The following ADAMTS6 variants were observed in gnomAD, a reference collection of about 807,000 sequenced individuals.
The protein encoded by ADAMTS6 is A disintegrin and metalloproteinase with thrombospondin motifs 6.
ADAMTS6 carries 23 observed loss-of-function variants against 144.3 expected under a neutral mutation model. That is an observed-to-expected ratio of 0.16 (90% confidence interval 0.11 to 0.23). The LOEUF (loss-of-function observed/expected upper bound fraction) is 0.23. ADAMTS6 is among the 10% of genes least tolerant of loss of function. The probability of loss-of-function intolerance (pLI) is 1.00; values close to 1 mark genes in which losing one functional copy is unlikely to be tolerated. For synonymous variants in ADAMTS6, 444 were observed against 457.5 expected (o/e 0.97, Z 0.38); for missense variants, 999 against 1,379.6 (o/e 0.72, Z 4.37).
rs560049318 is a variant in ADAMTS6 at position 65,443,921 on chromosome 5, A to G, written c.1073+7554T>C. ...TCCTTGCTGAGGTCAGGAACAAAACAAGGATCTCTGCTCTCACCACCTTTA... is the reference window on the plus strand; with the variant it reads ...TCCTTGCTGAGGTCAGGAACAAAACGAGGATCTCTGCTCTCACCACCTTTA... On this transcript the variant is annotated intron_variant, in intron 7 of 24. Transcript: ENST00000381055. Among the ~76,000 whole-genome samples the G allele has an allele frequency of 3.9e-5, 6 of 152,294 alleles. No homozygotes were observed. In the South Asian group the frequency reaches 1.0e-3, roughly 26 times the overall value.
In ADAMTS6 at chr5:65,452,118, C is replaced by G; in HGVS notation, c.927+15G>C. The G allele has an allele frequency of 6.3e-7, 1 of 1,593,696 alleles. No individual in the cohort carries two copies. The highest frequency in any genetic ancestry group is 2.2e-5 in the East Asian group (1 of 44,648). ...CTGTTAACAATCTTAGATATATAAA[C>G]TAACTCATTCTTACCTGATCTTCTG... is the stretch of plus-strand genomic sequence containing the variant. On this transcript the variant is annotated intron_variant, in intron 6 of 24. Coordinates refer to ENST00000381055, the MANE Select transcript of ADAMTS6 (RefSeq NM_197941.4).
At chr5:65,168,200 A>C (rs1165704341) in intron 24 of ADAMTS6, among the ~76,000 whole-genome samples, 2 of 145,836 alleles carry the variant, frequency 1.4e-5, no homozygotes, top group Non-Finnish European at 3.0e-5. Flanking sequence ...AGGATACAAA[A>C]TCAATGTACA....
At chr5:65,234,224 A>T (rs1203228898) in intron 15 of ADAMTS6, among the ~76,000 whole-genome samples, 1 of 152,014 alleles carries the variant, frequency 6.6e-6, no homozygotes, top group Non-Finnish European at 1.5e-5. Flanking sequence ...TGGTCTTGGC[A>T]ACGATTTTTT....
chr5:65,224,494 TTC>T, intron 17 of ADAMTS6, 94 bp from the exon 18 acceptor site: 1 of 1,105,190 alleles, frequency 9.0e-7, no homozygotes, highest in Non-Finnish European at 1.4e-6. Flanking sequence ...TATTATTCCA[TTC>T]TCTCTTTGAC....
At chr5:65,154,933 A>G (rs897663238) in intron 24 of ADAMTS6, among the ~76,000 whole-genome samples, 1 of 152,218 alleles carries the variant, frequency 6.6e-6, no homozygotes, top group Non-Finnish European at 1.5e-5. Flanking sequence ...AATTATGATG[A>G]GGGCAGGAGT....
chr5:65,450,947 A>T (rs989346411), intron 7 of ADAMTS6, among the ~76,000 whole-genome samples: 1 of 152,224 alleles, frequency 6.6e-6, no homozygotes, highest in Non-Finnish European at 1.5e-5. Context: ...GCTGTTCAAC[A>T]CATAGTGTAA....
intron 24 of ADAMTS6, among the ~76,000 whole-genome samples, chr5:65,168,652 A>C (rs1216512607): frequency 1.6e-5 from 2 of 128,350 alleles, no homozygotes; most frequent in African/African-American, 5.5e-5. Flanking sequence ...AGGCTACAGT[A>C]ACCAAAACAG....
intron 7 of ADAMTS6, among the ~76,000 whole-genome samples, chr5:65,378,894 C>T (rs1431787804): frequency 6.6e-6 from 1 of 152,076 alleles, no homozygotes; most frequent in East Asian, 1.9e-4. Flanking sequence ...TAGTAATAAA[C>T]TTCTGCATAC....
intron 4 of ADAMTS6, 152 bp downstream of exon 4, chr5:65,460,018 T>C (rs1221566915): frequency 3.1e-6 from 2 of 636,614 alleles, no homozygotes; most frequent in Admixed American, 4.1e-5. Flanking sequence ...TTAAAACTAC[T>C]GGTAGGTGAC....
At chr5:65,173,152 G>A (rs928024958) in intron 22 of ADAMTS6, 144 bp from the exon 23 acceptor site, 34 of 783,184 alleles carry the variant, frequency 4.3e-5, no homozygotes, top group Middle Eastern at 2.5e-4. Flanking sequence ...CAGATACAAC[G>A]TTCCTTAAAA....
At chr5:65,420,636 C>A (rs1436118783) in intron 7 of ADAMTS6, among the ~76,000 whole-genome samples, 1 of 148,700 alleles carries the variant, frequency 6.7e-6, no homozygotes, top group Non-Finnish European at 1.5e-5. Flanking sequence ...CTGCCTTGGC[C>A]TCCCAAAGTG....
intron 24 of ADAMTS6, among the ~76,000 whole-genome samples, chr5:65,167,461 G>A (rs554702418): frequency 6.6e-5 from 10 of 152,228 alleles, no homozygotes; most frequent in African/African-American, 2.4e-4. Flanking sequence ...GGTACACAGA[G>A]GAACTGGTAC....
chr5:65,238,438 A>G (rs577969166), intron 15 of ADAMTS6, among the ~76,000 whole-genome samples: 118 of 152,176 alleles, frequency 7.8e-4, no homozygotes, highest in African/African-American at 2.6e-3. Context: ...CCCTGTGTCT[A>G]CAAAAAATAC....
At chr5:65,291,245 G>T in intron 11 of ADAMTS6, 84 bp downstream of exon 11, 1 of 1,471,900 alleles carries the variant, frequency 6.8e-7, no homozygotes, top group South Asian at 1.5e-5. Context: ...AGAGGGAACC[G>T]ACATTCATCG....
intron 7 of ADAMTS6, among the ~76,000 whole-genome samples, chr5:65,392,025 C>T (rs980023335): frequency 3.9e-5 from 6 of 152,062 alleles, no homozygotes; most frequent in Admixed American, 1.3e-4. Context: ...CATGAACCAC[C>T]GCACCCAAGC....
At chr5:65,443,081 G>T (rs1025127817) in intron 7 of ADAMTS6, among the ~76,000 whole-genome samples, 1 of 152,060 alleles carries the variant, frequency 6.6e-6, no homozygotes, top group African/African-American at 2.4e-5. Context: ...GTCTATCATT[G>T]ATGAGCATTT....
intron 7 of ADAMTS6, among the ~76,000 whole-genome samples, chr5:65,351,536 T>C (rs1017457951): frequency 2.6e-5 from 4 of 152,176 alleles, no homozygotes; most frequent in African/African-American, 9.7e-5. Flanking sequence ...AATAAATCTG[T>C]TTGAATGTTT....
chr5:65,152,303 G>A (rs1403932791), intron 24 of ADAMTS6, among the ~76,000 whole-genome samples: 1 of 152,112 alleles, frequency 6.6e-6, no homozygotes, highest in Non-Finnish European at 1.5e-5. Flanking sequence ...CACTTTTATT[G>A]CTTCTTTCTC....
chr5:65,418,474 G>A (rs1365881609), intron 7 of ADAMTS6, among the ~76,000 whole-genome samples: 1 of 152,126 alleles, frequency 6.6e-6, no homozygotes, highest in Non-Finnish European at 1.5e-5. Context: ...TGTTTACAGA[G>A]TCAGATGAAT....
Sources: allele counts gnomAD v4.1 joint callset (sites outside exome capture counted in the v4.1 genomes callset), GRCh38; gene constraint gnomAD v4.1.1; transcripts MANE v1.5; gene names NCBI Gene and HGNC (gene_info 2026-07-23, HGNC 2026-07-21).